Variants in HHAT observed in about 807,000 individuals in gnomAD.
HHAT encodes hedgehog acyltransferase.
HHAT carries 47 observed loss-of-function variants against 70.8 expected under a neutral mutation model. The observed-to-expected ratio is 0.66, with a 90% confidence interval of 0.53 to 0.85. The LOEUF (loss-of-function observed/expected upper bound fraction) is 0.85. Among genes scored for constraint, HHAT ranks in the 40% least tolerant of loss-of-function variants. The pLI, the probability that HHAT is intolerant of heterozygous loss-of-function variation, is 0.00. For missense variants in HHAT, 609 were observed against 604.8 expected (o/e 1.01, Z -0.07); for synonymous variants, 228 against 247.6 (o/e 0.92, Z 0.74).
chr1:210,621,881 G>A (rs562514513), intron 10 of HHAT, among the ~76,000 whole-genome samples: 51 of 152,322 alleles, frequency 3.3e-4, no homozygotes, highest in Non-Finnish European at 6.0e-4. Context: ...CCACACTTGC[G>A]TCTGGCAGCA....
chr1:210,441,382 G>T (rs552184688), intron 7 of HHAT, among the ~76,000 whole-genome samples: 1 of 152,124 alleles, frequency 6.6e-6, no homozygotes, highest in Non-Finnish European at 1.5e-5. Context: ...TTTTATAGAG[G>T]TGCTGGTCTG....
intron 1 of HHAT, among the ~76,000 whole-genome samples, chr1:210,344,916 TCGGAACAAGTCATGCC>T (rs1412732629): frequency 4.6e-5 from 7 of 151,376 alleles, no homozygotes; most frequent in East Asian, 3.9e-4. Flanking sequence ...CATGCCGGCA[TCGGAACAAGTCATGCC>T]GGCCTGCACT....
intron 7 of HHAT, among the ~76,000 whole-genome samples, chr1:210,432,586 T>A (rs1252339727): frequency 6.6e-6 from 1 of 151,906 alleles, no homozygotes; most frequent in Non-Finnish European, 1.5e-5. Flanking sequence ...TATGCTGCTT[T>A]AGTTGTGTTA....
intron 9 of HHAT, among the ~76,000 whole-genome samples, chr1:210,525,117 C>T (rs551848408): frequency 1.3e-5 from 2 of 152,130 alleles, no homozygotes; most frequent in African/African-American, 4.8e-5. Flanking sequence ...TTCACTGGTT[C>T]ATCTCTCTTG....
intron 4 of HHAT, among the ~76,000 whole-genome samples, chr1:210,394,850 TC>T (rs1483904239): frequency 6.6e-6 from 1 of 152,156 alleles, no homozygotes; most frequent in South Asian, 2.1e-4. Context: ...ATCAGCCCCT[TC>T]TACCTCCATC....
intron 11 of HHAT, among the ~76,000 whole-genome samples, chr1:210,652,412 C>A (rs143254510): frequency 6.6e-6 from 1 of 152,144 alleles, no homozygotes; most frequent in African/African-American, 2.4e-5. Flanking sequence ...AATAAAGATT[C>A]AGAAACAGTG....
intron 8 of HHAT, among the ~76,000 whole-genome samples, chr1:210,499,416 C>A (rs1271972017): frequency 6.6e-6 from 1 of 152,202 alleles, no homozygotes; most frequent in Non-Finnish European, 1.5e-5. Context: ...GTGGGCAGAT[C>A]ACTTGAGGCC....
chr1:210,495,466 G>T (rs2094621915), intron 8 of HHAT, among the ~76,000 whole-genome samples: 1 of 152,030 alleles, frequency 6.6e-6, no homozygotes, highest in African/African-American at 2.4e-5. Flanking sequence ...GACTCATCGG[G>T]AAAGTAGAGA....
intron 11 of HHAT, among the ~76,000 whole-genome samples, chr1:210,637,727 G>A (rs6686049): frequency 0.23 from 35,680 of 151,918 alleles, 4,309 homozygotes; most frequent in Admixed American, 0.27. Context: ...GAGCATGGGG[G>A]CACACGCCTG....
At chr1:210,445,699 T>G (rs1347249804) in intron 7 of HHAT, among the ~76,000 whole-genome samples, 1 of 152,166 alleles carries the variant, frequency 6.6e-6, no homozygotes, top group African/African-American at 2.4e-5. Flanking sequence ...ACATCAGCAG[T>G]GTTTGAGAGA....
rs191240856 is a variant in HHAT, at chr1:210,515,994, C to G, written c.1043+2806C>G. Among the ~76,000 whole-genome samples the G allele has an allele frequency of 2.7e-4, 41 of 151,976 alleles. 1 individual carries two copies. Among genetic ancestry groups the G allele is most frequent in the Non-Finnish European group, 8.8e-5 (6 of 67,984 alleles). ...ATGAGGCATGAGGATCACTTGAACC[C>G]AGAAGGCCAAAGCTGCAGTGAGCCG... On this transcript the variant is annotated intron_variant, in intron 9 of 11. Coordinates refer to ENST00000261458, the MANE Select transcript of HHAT (RefSeq NM_018194.6).
chr1:210,449,650 A>C (rs1376500965), intron 7 of HHAT, among the ~76,000 whole-genome samples: 1 of 152,098 alleles, frequency 6.6e-6, no homozygotes, highest in Non-Finnish European at 1.5e-5. Flanking sequence ...TGGGAGAGAG[A>C]AGCTGAGTGT....
intron 11 of HHAT, among the ~76,000 whole-genome samples, chr1:210,645,429 C>T (rs1673839477): frequency 6.6e-6 from 1 of 152,156 alleles, no homozygotes; most frequent in South Asian, 2.1e-4. Context: ...AGGCGCCTAC[C>T]ACCACACCTT....
At chr1:210,586,964 C>T (rs1660588795) in intron 9 of HHAT, among the ~76,000 whole-genome samples, 1 of 152,216 alleles carries the variant, frequency 6.6e-6, no homozygotes, top group Non-Finnish European at 1.5e-5. Context: ...CCTGTGAGCA[C>T]AGAGCTCTTT....
chr1:210,673,765 AT>A (rs1680598806), intron 11 of HHAT, among the ~76,000 whole-genome samples: 1 of 7,668 alleles, frequency 1.3e-4, no homozygotes, highest in African/African-American at 1.7e-3. Flanking sequence ...CTTATTTATT[AT>A]TTATTTATTT....
chr1:210,434,018 G>A (rs1171183591), intron 7 of HHAT, among the ~76,000 whole-genome samples: 1 of 151,916 alleles, frequency 6.6e-6, no homozygotes, highest in Non-Finnish European at 1.5e-5. Flanking sequence ...ACTGATATTT[G>A]ACAGGTAGAT....
chr1:210,396,005 A>G (rs541005090), intron 4 of HHAT, among the ~76,000 whole-genome samples: 14 of 152,300 alleles, frequency 9.2e-5, no homozygotes, highest in African/African-American at 3.4e-4. Context: ...AAGTAGAGTC[A>G]GACCCCATTT....
intron 4 of HHAT, among the ~76,000 whole-genome samples, chr1:210,395,478 G>A (rs751274119): frequency 1.2e-4 from 19 of 152,194 alleles, no homozygotes; most frequent in Non-Finnish European, 2.5e-4. Flanking sequence ...TTATTCTCCC[G>A]GGAGACTCTG....
intron 7 of HHAT, among the ~76,000 whole-genome samples, chr1:210,452,749 G>A (rs970943708): frequency 1.3e-5 from 2 of 152,004 alleles, no homozygotes; most frequent in Non-Finnish European, 2.9e-5. Flanking sequence ...TTATTGAATG[G>A]TGCTTCTCTA....
Sources: allele counts gnomAD v4.1 joint callset (sites outside exome capture counted in the v4.1 genomes callset), GRCh38; gene constraint gnomAD v4.1.1; transcripts MANE v1.5; gene names NCBI Gene and HGNC (gene_info 2026-07-23, HGNC 2026-07-21).